TTC28: variants seen among roughly 807,000 people sequenced by gnomAD.
TTC28 encodes the protein tetratricopeptide repeat protein 28.
A neutral mutation model predicts 198.0 loss-of-function variants in TTC28; 61 were observed. The ratio of observed to expected loss-of-function variants is 0.31; its 90% CI spans 0.25 to 0.38. The LOEUF (loss-of-function observed/expected upper bound fraction) is 0.38. Among genes scored for constraint, TTC28 ranks in the 10% least tolerant of loss-of-function variants. The pLI is 1.00. For missense variants in TTC28, 2,678 were observed against 3,164.0 expected (o/e 0.85, Z 3.69); for synonymous variants, 1,171 against 1,297.8 (o/e 0.90, Z 2.10).
chr22:28,039,410 T>TATAG (rs1253774044), intron 12 of TTC28, among the ~76,000 whole-genome samples: 1 of 151,590 alleles, frequency 6.6e-6, no homozygotes, highest in Non-Finnish European at 1.5e-5. Flanking sequence ...CTCAGCAAAC[T>TATAG]ATAGCAAGGA....
intron 2 of TTC28, among the ~76,000 whole-genome samples, chr22:28,505,506 CCCA>C (rs2048599446): frequency 6.6e-6 from 1 of 152,056 alleles, no homozygotes; most frequent in East Asian, 1.9e-4. Flanking sequence ...CAAAGGAACC[CCCA>C]CCCCCAGCCA....
intron 2 of TTC28, among the ~76,000 whole-genome samples, chr22:28,445,885 CACAT>C (rs1389434773): frequency 2.0e-5 from 3 of 152,008 alleles, no homozygotes; most frequent in African/African-American, 7.3e-5. Context: ...CACACACACA[CACAT>C]ATGTATTTCT....
intron 2 of TTC28, among the ~76,000 whole-genome samples, chr22:28,485,525 A>G (rs992182013): frequency 5.9e-5 from 9 of 152,100 alleles, no homozygotes; most frequent in African/African-American, 2.2e-4. Flanking sequence ...CCATGCCCTC[A>G]CCAGCATGAT....
intron 5 of TTC28, among the ~76,000 whole-genome samples, chr22:28,192,738 G>A (rs1924946118): frequency 6.6e-6 from 1 of 152,048 alleles, no homozygotes; most frequent in South Asian, 2.1e-4. Flanking sequence ...GAGAAGTTCA[G>A]AGAAAAAAAG....
chr22:28,496,459 G>A (rs1054760661), intron 2 of TTC28, among the ~76,000 whole-genome samples: 11 of 151,964 alleles, frequency 7.2e-5, no homozygotes, highest in African/African-American at 1.9e-4. Flanking sequence ...CCTTGGAGTC[G>A]CCACTGACCC....
chr22:28,671,357 C>T (rs1156896618), intron 1 of TTC28, among the ~76,000 whole-genome samples: 5 of 151,968 alleles, frequency 3.3e-5, no homozygotes, highest in African/African-American at 4.8e-5. Flanking sequence ...CTTCCTTGGC[C>T]GGGCGCGGTG....
intron 12 of TTC28, among the ~76,000 whole-genome samples, chr22:28,052,611 C>A (rs1166812601): frequency 1.3e-5 from 2 of 152,166 alleles, no homozygotes; most frequent in Non-Finnish European, 2.9e-5. Context: ...AAAAGACCAG[C>A]CATTTTCAAT....
chr22:28,553,104 G>T lies in TTC28; in HGVS notation c.381+76448C>A, dbSNP rs1250023222. ...TCACTCAGTGCTCAATGGTGCCCAG[G>T]CTGGAGTGCAGTGGCGTGATCTCCG... On this transcript the variant is annotated intron_variant, in intron 2 of 22. Coordinates refer to ENST00000397906, the MANE Select transcript of TTC28 (RefSeq NM_001145418.2). 2.0e-5 allele frequency among the ~76,000 whole-genome samples: 3 copies of T among 152,210 alleles called. No homozygotes were observed. The South Asian group carries it at 6.2e-4, about 31-fold the overall frequency.
chr22:28,393,030 C>G (rs1385078643), intron 2 of TTC28, among the ~76,000 whole-genome samples: 1 of 152,068 alleles, frequency 6.6e-6, no homozygotes, highest in East Asian at 1.9e-4. Flanking sequence ...GTGCAAACCA[C>G]TATACCCAGT....
intron 2 of TTC28, among the ~76,000 whole-genome samples, chr22:28,602,351 T>C (rs941939774): frequency 6.6e-6 from 1 of 152,118 alleles, no homozygotes; most frequent in Admixed American, 6.6e-5. Context: ...AGGGTGTCTA[T>C]AAAGGAAGTG....
chr22:28,561,232 C>G (rs1188758061), intron 2 of TTC28, among the ~76,000 whole-genome samples: 2 of 151,822 alleles, frequency 1.3e-5, no homozygotes, highest in Non-Finnish European at 2.9e-5. Context: ...CACCGCCACG[C>G]CCGGCCAATT....
At chr22:28,240,083 T>C (rs1186675312) in intron 5 of TTC28, among the ~76,000 whole-genome samples, 5 of 152,214 alleles carry the variant, frequency 3.3e-5, no homozygotes, top group Admixed American at 6.5e-5. Context: ...AAATGAGTAA[T>C]AGAATCATAT....
At chr22:28,469,700 A>C (rs746164274) in intron 2 of TTC28, among the ~76,000 whole-genome samples, 3 of 152,226 alleles carry the variant, frequency 2.0e-5, no homozygotes, top group Non-Finnish European at 4.4e-5. Context: ...GCAAGGAAAC[A>C]CATTCTCTCC....
At chr22:28,659,153 T>G (rs1232092928) in intron 1 of TTC28, among the ~76,000 whole-genome samples, 1 of 152,186 alleles carries the variant, frequency 6.6e-6, no homozygotes, top group African/African-American at 2.4e-5. Flanking sequence ...TCCAGAACTG[T>G]GAGAAATAAA....
chr22:28,255,497 C>T (rs972565822), intron 5 of TTC28, among the ~76,000 whole-genome samples: 7 of 152,026 alleles, frequency 4.6e-5, no homozygotes, highest in Non-Finnish European at 1.0e-4. Context: ...GCCTGACCAA[C>T]GTGGTAAAAC....
At chr22:28,228,842 A>G (rs1928574663) in intron 5 of TTC28, among the ~76,000 whole-genome samples, 1 of 152,048 alleles carries the variant, frequency 6.6e-6, no homozygotes, top group African/African-American at 2.4e-5. Context: ...TGGAATATAA[A>G]TATTTTCTCG....
intron 13 of TTC28, among the ~76,000 whole-genome samples, chr22:28,027,434 T>C (rs1938879994): frequency 6.6e-6 from 1 of 152,216 alleles, no homozygotes; most frequent in African/African-American, 2.4e-5. Flanking sequence ...ATTCCTGAAG[T>C]GGCAAGGGAG....
intron 2 of TTC28, among the ~76,000 whole-genome samples, chr22:28,403,734 T>G (rs184521946): frequency 1.5e-4 from 23 of 152,336 alleles, no homozygotes; most frequent in African/African-American, 4.6e-4. Context: ...GCTTCACGTA[T>G]AACAAGGGTG....
At chr22:28,332,246 C>T (rs995068263) in intron 2 of TTC28, among the ~76,000 whole-genome samples, 6 of 151,692 alleles carry the variant, frequency 4.0e-5, no homozygotes, top group African/African-American at 1.2e-4. Flanking sequence ...AACTTAGCTC[C>T]GAAGATGCAT....
Sources: gnomAD v4.1 joint callset for allele counts (sites outside exome capture counted in the v4.1 genomes callset) on GRCh38, gnomAD v4.1.1 for gene constraint, MANE v1.5 for transcripts, NCBI Gene and HGNC (gene_info 2026-07-23, HGNC 2026-07-21) for gene names.